Variants in USP54 observed in about 807,000 individuals in gnomAD.
USP54 encodes the protein ubiquitin specific peptidase 54.
Under a neutral mutation model 170.5 loss-of-function variants are expected in USP54, and 87 were observed. The ratio of observed to expected loss-of-function variants is 0.51; its 90% CI spans 0.43 to 0.61. USP54 has a LOEUF of 0.61. Among genes scored for constraint, USP54 ranks in the 20% least tolerant of loss-of-function variants. The pLI, the probability that USP54 is intolerant of heterozygous loss-of-function variation, is 0.00. For missense variants in USP54, 1,786 were observed against 2,047.8 expected (o/e 0.87, Z 2.47); for synonymous variants, 655 against 742.8 (o/e 0.88, Z 1.92).
chr10:73,516,302 C>T, intron 20 of USP54, 73 bp downstream of exon 20: 1 of 1,491,392 alleles, frequency 6.7e-7, no homozygotes. Context: ...AGAACACTCC[C>T]TTCTGATCTT....
chr10:73,589,242 T>G (rs981119285), intron 1 of USP54, among the ~76,000 whole-genome samples: 1 of 152,212 alleles, frequency 6.6e-6, no homozygotes, highest in Non-Finnish European at 1.5e-5. Context: ...CAAACAGCTC[T>G]TTAGCTTGTC....
chr10:73,580,685 G>C (rs1035527420), intron 1 of USP54, among the ~76,000 whole-genome samples: 1 of 152,080 alleles, frequency 6.6e-6, no homozygotes, highest in African/African-American at 2.4e-5. Context: ...CGATTTTCCT[G>C]CCTCAGCCTC....
chr10:73,574,978 G>C (rs954319231), intron 3 of USP54, among the ~76,000 whole-genome samples: 1 of 152,110 alleles, frequency 6.6e-6, no homozygotes, highest in African/African-American at 2.4e-5. Flanking sequence ...TGTAATCCCA[G>C]CACTTTGGGA....
chr10:73,593,001 C>T (rs528130151), upstream of USP54, among the ~76,000 whole-genome samples: 9 of 152,316 alleles, frequency 5.9e-5, no homozygotes, highest in Middle Eastern at 3.4e-3. Context: ...CACTGGGCTT[C>T]GCCATTCAAA....
At chr10:73,570,494 TG>T (rs2074931199) in intron 4 of USP54, among the ~76,000 whole-genome samples, 1 of 150,056 alleles carries the variant, frequency 6.7e-6, no homozygotes, top group African/African-American at 2.4e-5. Context: ...AGTGTGGTAA[TG>T]GGAAACTAGG....
intron 10 of USP54, among the ~76,000 whole-genome samples, chr10:73,537,571 AAC>A (rs1232964231): frequency 6.6e-6 from 1 of 152,076 alleles, no homozygotes; most frequent in African/African-American, 2.4e-5. Flanking sequence ...ACTATCCCAA[AAC>A]ACATGTTACT....
chr10:73,572,958 A>T (rs1240057687), intron 3 of USP54, among the ~76,000 whole-genome samples: 1 of 152,192 alleles, frequency 6.6e-6, no homozygotes, highest in African/African-American at 2.4e-5. Flanking sequence ...TCTAAATCAC[A>T]AAAGTATTAT....
At chr10:73,564,148 C>T (rs866759336) in intron 4 of USP54, among the ~76,000 whole-genome samples, 4 of 152,080 alleles carry the variant, frequency 2.6e-5, no homozygotes, top group Non-Finnish European at 4.4e-5. Context: ...CCGACAGGTG[C>T]GCATCACCAT....
At chr10:73,588,433 A>G (rs2077789666) in intron 1 of USP54, among the ~76,000 whole-genome samples, 1 of 152,230 alleles carries the variant, frequency 6.6e-6, no homozygotes, top group South Asian at 2.1e-4. Flanking sequence ...CATGTTGGCC[A>G]GGCTGGTCTC....
intron 1 of USP54, among the ~76,000 whole-genome samples, chr10:73,605,159 C>T (rs1217610516): frequency 6.6e-6 from 1 of 152,164 alleles, no homozygotes; most frequent in Non-Finnish European, 1.5e-5. Context: ...TCCAAGTCCC[C>T]ACTCGACCCA....
Position 73,499,064 on chromosome 10 carries a change from G to A in USP54, c.4620C>T (p.Asn1540=). 8.1e-6 allele frequency: 13 copies of A among 1,614,186 alleles called. No individual in the cohort carries two copies. Among genetic ancestry groups the A allele is most frequent in the Non-Finnish European group, 1.1e-5 (13 of 1,180,030 alleles). ...QSLPHRSRTD[N]SWAPWSETNQ... ...TGGTCTCTGACCAGGGTGCCCAGGA[G>A]TTGTCTGTTCTGGAGCGATGGGGGA... The change falls in exon 24 of 24, where the codon AAC becomes AAT. Residue 1540 remains asparagine, a synonymous_variant. Transcript: ENST00000687698.
intron 1 of USP54, among the ~76,000 whole-genome samples, chr10:73,582,031 A>T (rs1342586164): frequency 6.6e-6 from 1 of 152,208 alleles, no homozygotes; most frequent in African/African-American, 2.4e-5. Context: ...CAAAGTAATA[A>T]ACCAGGCTCC....
At chr10:73,516,257 A>G in intron 20 of USP54, 118 bp downstream of exon 20, 1 of 1,160,876 alleles carries the variant, frequency 8.6e-7, no homozygotes, top group Non-Finnish European at 1.2e-6. Flanking sequence ...CAAAAGTTCT[A>G]TTACCTCCTA....
chr10:73,517,754 CA>C lies in USP54; in HGVS notation c.2679-8del. On this transcript the variant is annotated splice_region_variant and splice_polypyrimidine_tract_variant and intron_variant, in intron 19 of 23. Transcript: ENST00000687698. Reference sequence around the variant, plus strand: ...GAGCGGGATAGGCTGTTCACTGAAACAAATGGAGAGAGCTAGTCATAAGCTG... The same window carrying C: ...GAGCGGGATAGGCTGTTCACTGAAACAATGGAGAGAGCTAGTCATAAGCTG... The C allele has an allele frequency of 6.2e-7, 1 of 1,604,118 alleles. No individual in the cohort carries two copies.
chr10:73,529,938 A>T, intron 14 of USP54, 27 bp from the exon 15 acceptor site: 1 of 1,518,434 alleles, frequency 6.6e-7, no homozygotes, highest in Non-Finnish European at 8.8e-7. Context: ...ACAGGTATGG[A>T]AAATGAGGTA....
chr10:73,561,416 G>C (rs12572341), intron 4 of USP54, among the ~76,000 whole-genome samples: 1 of 152,074 alleles, frequency 6.6e-6, no homozygotes, highest in African/African-American at 2.4e-5. Flanking sequence ...CTTGAGGCCA[G>C]GAGTTTAAGG....
At chr10:73,584,955 C>T (rs2077309067) in intron 1 of USP54, among the ~76,000 whole-genome samples, 1 of 152,150 alleles carries the variant, frequency 6.6e-6, no homozygotes, top group South Asian at 2.1e-4. Flanking sequence ...TGACTCATTG[C>T]CAGTCCTCTA....
At chr10:73,527,945 T>C (rs2063238050) in intron 15 of USP54, among the ~76,000 whole-genome samples, 1 of 152,222 alleles carries the variant, frequency 6.6e-6, no homozygotes, top group South Asian at 2.1e-4. Flanking sequence ...CACTAATCCA[T>C]TCTTTTTGAG....
chr10:73,615,490 AAAT>A (rs1329966094), intron 1 of USP54, among the ~76,000 whole-genome samples: 8 of 150,766 alleles, frequency 5.3e-5, no homozygotes, highest in Non-Finnish European at 1.2e-4. Flanking sequence ...TTTATAACAC[AAAT>A]AATGAATGCT....
Sources: gnomAD v4.1 joint callset for allele counts (sites outside exome capture counted in the v4.1 genomes callset) on GRCh38, gnomAD v4.1.1 for gene constraint, MANE v1.5 for transcripts, NCBI Gene and HGNC (gene_info 2026-07-23, HGNC 2026-07-21) for gene names.